The following ABI1 variants were observed in gnomAD, a reference collection of about 807,000 sequenced individuals.
ABI1 encodes abl interactor 1.
A neutral mutation model predicts 54.6 loss-of-function variants in ABI1; 14 were observed. The ratio of observed to expected loss-of-function variants is 0.26; its 90% CI spans 0.17 to 0.40. The LOEUF (loss-of-function observed/expected upper bound fraction) is 0.40, where lower values mean the gene tolerates loss of function less well. ABI1 is among the 10% of genes least tolerant of loss of function. The probability of loss-of-function intolerance (pLI) is 1.00; values close to 1 mark genes in which losing one functional copy is unlikely to be tolerated. For missense variants in ABI1, 443 were observed against 598.3 expected, an observed-to-expected ratio of 0.74 and a Z score of 2.71; for synonymous variants, 194 against 209.3, an observed-to-expected ratio of 0.93 and a Z score of 0.63.
chr10:26,813,863 C>T (rs1279493669), intron 2 of ABI1, among the ~76,000 whole-genome samples: 4 of 152,006 alleles, frequency 2.6e-5, no homozygotes, highest in African/African-American at 9.7e-5. Flanking sequence ...GAGTTAAATA[C>T]TTTTTAAATT....
chr10:26,824,914 G>C (rs114471586), intron 1 of ABI1, among the ~76,000 whole-genome samples: 67 of 152,328 alleles, frequency 4.4e-4, no homozygotes, highest in African/African-American at 1.5e-3. Context: ...TCTATTAAAT[G>C]TGCGATAGTA....
At chr10:26,793,710 C>T (rs1269126579) in intron 2 of ABI1, among the ~76,000 whole-genome samples, 4 of 152,176 alleles carry the variant, frequency 2.6e-5, no homozygotes, top group African/African-American at 9.7e-5. Flanking sequence ...TTTATCCAAA[C>T]TAGAATCTAA....
At chr10:26,749,644 A>G (rs748886474) in intron 10 of ABI1, among the ~76,000 whole-genome samples, 13 of 152,188 alleles carry the variant, frequency 8.5e-5, no homozygotes, top group Admixed American at 2.6e-4. Context: ...AGCATTTTGA[A>G]TTTGGGACTT....
At chr10:26,751,362 C>T (rs1837602618) in intron 10 of ABI1, among the ~76,000 whole-genome samples, 1 of 151,864 alleles carries the variant, frequency 6.6e-6, no homozygotes, top group Non-Finnish European at 1.5e-5. Flanking sequence ...TTCAGCTGAA[C>T]GCATATGTAG....
chr10:26,761,673 T>C (rs866584474), intron 7 of ABI1, among the ~76,000 whole-genome samples: 85 of 100,044 alleles, frequency 8.5e-4, no homozygotes, highest in Middle Eastern at 5.3e-3. Flanking sequence ...CACACACACA[T>C]ACACATATAT....
chr10:26,808,118 A>C (rs991375387), intron 2 of ABI1, among the ~76,000 whole-genome samples: 1 of 152,162 alleles, frequency 6.6e-6, no homozygotes, highest in African/African-American at 2.4e-5. Context: ...CAAACCAACC[A>C]GGGCTATTTC....
rs1400440244 is a variant in ABI1, at chr10:26,860,470, G to A, written c.117+277C>T. ...GGGAAGCGGACGCGAGGGGGGCGCC[G>A]GGCTGCGGCAGCGGCGGGCTCCCGG... On this transcript the variant is annotated intron_variant, in intron 1 of 10. Coordinates refer to ENST00000376140, the MANE Select transcript of ABI1 (RefSeq NM_001012750.3). The surrounding 1 kb of genome is among the most constrained non-coding windows in gnomAD (Gnocchi z 4.1). Among the ~76,000 whole-genome samples the A allele has an allele frequency of 6.6e-6, 1 of 152,178 alleles. No individual in the cohort carries two copies. The highest frequency in any genetic ancestry group is 1.5e-5 in the Non-Finnish European group (1 of 68,014).
chr10:26,838,088 A>C (rs1264965732), intron 1 of ABI1, among the ~76,000 whole-genome samples: 1 of 151,088 alleles, frequency 6.6e-6, no homozygotes, highest in Admixed American at 6.6e-5. Flanking sequence ...CAGTAGCACA[A>C]TCTCAGCTCA....
At chr10:26,828,211 G>T (rs1203343294) in intron 1 of ABI1, among the ~76,000 whole-genome samples, 4 of 152,196 alleles carry the variant, frequency 2.6e-5, no homozygotes, top group African/African-American at 9.7e-5. Context: ...TGGTCAGTTG[G>T]TGGTACAGTC....
At chr10:26,767,956 G>T (rs948118000) in intron 6 of ABI1, among the ~76,000 whole-genome samples, 1 of 151,750 alleles carries the variant, frequency 6.6e-6, no homozygotes, top group Admixed American at 6.6e-5. Context: ...TGAGGCAGGA[G>T]AATTGCTTAA....
At chr10:26,794,591 T>A (rs1843887513) in intron 2 of ABI1, among the ~76,000 whole-genome samples, 2 of 150,792 alleles carry the variant, frequency 1.3e-5, no homozygotes, top group African/African-American at 2.4e-5. Context: ...TTACCATACA[T>A]ACGAGATGTA....
At chr10:26,763,753 T>C (rs1348879329) in intron 7 of ABI1, 4 of 771,422 alleles carry the variant, frequency 5.2e-6, no homozygotes, top group Non-Finnish European at 8.6e-6. Context: ...TTAGATTTAA[T>C]ACTTTAAACT....
rs1041622825 is a variant in ABI1, at chr10:26,860,565, C to A, written c.117+182G>T. ...CCACAGCCACTTCCTGTATCGCAGC[C>A]CGACTCCCTCAGCCCGGCCACTCGC... On this transcript the variant is annotated intron_variant, in intron 1 of 10. Coordinates refer to ENST00000376140, the MANE Select transcript of ABI1 (RefSeq NM_001012750.3). This position sits in a 1 kb window ranked among gnomAD's most constrained non-coding sequence, Gnocchi z 4.1. Among the ~76,000 whole-genome samples the A allele has an allele frequency of 6.6e-6, 1 of 152,192 alleles. No individual in the cohort carries two copies. The highest frequency in any genetic ancestry group is 6.5e-5 in the Admixed American group (1 of 15,284).
intron 2 of ABI1, among the ~76,000 whole-genome samples, chr10:26,797,679 G>A (rs1283809706): frequency 6.6e-6 from 1 of 152,106 alleles, no homozygotes; most frequent in Non-Finnish European, 1.5e-5. Context: ...GCTGAATAGT[G>A]GGGTCAGAGC....
At chr10:26,765,131 A>T in intron 7 of ABI1, 87 bp downstream of exon 7, 1 of 884,354 alleles carries the variant, frequency 1.1e-6, no homozygotes, top group Non-Finnish European at 1.7e-6. Context: ...TAATAATTTT[A>T]CTCAATATGA....
At chr10:26,750,018 T>C (rs978810660) in intron 10 of ABI1, among the ~76,000 whole-genome samples, 23 of 152,206 alleles carry the variant, frequency 1.5e-4, no homozygotes, top group African/African-American at 5.3e-4. Context: ...TGTCAACTTA[T>C]ATAAATATGG....
At chr10:26,763,496 C>G (rs1839500558) in intron 7 of ABI1, among the ~76,000 whole-genome samples, 1 of 152,084 alleles carries the variant, frequency 6.6e-6, no homozygotes, top group Non-Finnish European at 1.5e-5. Flanking sequence ...ATATCGTTTG[C>G]CTTTCAATTT....
rs397724445 is a variant in ABI1, at chr10:26,851,348, A to ATTTTTTTT, written c.117+9391_117+9398dup. ...GTAGCTGGGACTACAGACTAAGCTAATTTTTTTTTTTTTTTTTTTTTTTTT... is the reference window on the plus strand; with the variant it reads ...GTAGCTGGGACTACAGACTAAGCTAATTTTTTTTTTTTTTTTTTTTTTTTTTTTTTTTT... On this transcript the variant is annotated intron_variant, in intron 1 of 10. Coordinates refer to ENST00000376140, the MANE Select transcript of ABI1 (RefSeq NM_001012750.3). Among the ~76,000 whole-genome samples, 269 of 67,794 alleles carry ATTTTTTTT rather than the reference A, an allele frequency of 4.0e-3. 20 individuals carry two copies. Among genetic ancestry groups the ATTTTTTTT allele is most frequent in the African/African-American group, 8.4e-3 (131 of 15,538 alleles). 44.5% of individuals were successfully genotyped at this position (67,794 alleles called of 152,430 possible).
At chr10:26,780,472 A>G (rs995630432) in intron 2 of ABI1, among the ~76,000 whole-genome samples, 9 of 152,210 alleles carry the variant, frequency 5.9e-5, no homozygotes, top group Non-Finnish European at 7.3e-5. Flanking sequence ...GGGCTCAAGC[A>G]ATAACGATCT....
Sources: allele counts gnomAD v4.1 joint callset (sites outside exome capture counted in the v4.1 genomes callset), GRCh38; gene constraint gnomAD v4.1.1; non-coding constraint Gnocchi (gnomAD v3.1); transcripts MANE v1.5; gene names NCBI Gene and HGNC (gene_info 2026-07-23, HGNC 2026-07-21).